Variants in OSBPL3 observed in about 807,000 individuals in gnomAD.
OSBPL3 encodes the protein oxysterol binding protein like 3, also known as oxysterol-binding protein-related protein 3.
In OSBPL3, 65 loss-of-function variants were observed where a neutral mutation model predicts 120.1. The observed-to-expected ratio is 0.54, with a 90% CI of 0.44 to 0.67. The LOEUF (loss-of-function observed/expected upper bound fraction) is 0.67, where lower values mean the gene tolerates loss of function less well. OSBPL3 is among the 30% of genes least tolerant of loss of function. OSBPL3 has a pLI of 0.00. For synonymous variants in OSBPL3, 416 were observed against 402.6 expected, an observed-to-expected ratio of 1.03 and a Z score of -0.40; for missense variants, 1,004 against 1,082.1, an observed-to-expected ratio of 0.93 and a Z score of 1.01.
At position 24,797,131 on chromosome 7, in the gene OSBPL3, A is replaced by C. The variant is rs1432121035; in HGVS notation, c.*3052T>G. 5 of 152,214 alleles carry C rather than the reference A, an allele frequency of 3.3e-5. No homozygotes were observed. The highest frequency in any genetic ancestry group is 7.3e-5 in the Non-Finnish European group (5 of 68,042). The allele number at this position is 152,214 out of a possible 1,614,324, so 9.4% of individuals were successfully genotyped here. ...GGGCTACATCAAGGTTCAACAGCCA[A>C]ATAAAAACTTTATTACTTTTTAGGC... is the stretch of plus-strand genomic sequence containing the variant. On this transcript the variant is annotated 3_prime_UTR_variant, in exon 23 of 23. Transcript: ENST00000313367. This position sits in a 1 kb window ranked among gnomAD's most constrained non-coding sequence, Gnocchi z 4.8.
Position 24,912,222 on chromosome 7 carries a change from C to G in OSBPL3, c.-149-19601G>C, listed in dbSNP as rs917123625. 1.3e-5 allele frequency among the ~76,000 whole-genome samples: 2 copies of G among 152,002 alleles called. No individual in the cohort carries two copies. Among genetic ancestry groups the G allele is most frequent in the Non-Finnish European group, 2.9e-5 (2 of 68,006 alleles). On this transcript the variant is annotated intron_variant, in intron 1 of 22. Transcript: ENST00000313367. The surrounding 1 kb of genome is among the most constrained non-coding windows in gnomAD (Gnocchi z 4.5). ...TTAAAAATTTGTGGAAAGATAGATC[C>G]TAATTCTTTAGGAGTTTACATCTAG... is the stretch of plus-strand genomic sequence containing the variant.
intron 1 of OSBPL3, among the ~76,000 whole-genome samples, chr7:24,974,530 G>A (rs1817367587): frequency 6.6e-6 from 1 of 152,090 alleles, no homozygotes; most frequent in East Asian, 1.9e-4. Flanking sequence ...CAGCGAACAG[G>A]GCCCAAAGGA....
At chr7:24,979,048 G>C (rs1401444139) in intron 1 of OSBPL3, among the ~76,000 whole-genome samples, 1 of 152,196 alleles carries the variant, frequency 6.6e-6, no homozygotes, top group Non-Finnish European at 1.5e-5. Context: ...AGCGCTAAGA[G>C]GCTGCCTGGG....
chr7:24,905,190 G>A (rs1449636667), intron 1 of OSBPL3, among the ~76,000 whole-genome samples: 1 of 147,084 alleles, frequency 6.8e-6, no homozygotes, highest in Non-Finnish European at 1.5e-5. Context: ...CGGGGGTCAA[G>A]AGGATTGCTC....
At chr7:24,812,089 T>C (rs935333273) in intron 19 of OSBPL3, among the ~76,000 whole-genome samples, 1 of 151,952 alleles carries the variant, frequency 6.6e-6, no homozygotes, top group Non-Finnish European at 1.5e-5. Flanking sequence ...GGTGGATCAC[T>C]TGAGGTCCGG....
At chr7:24,893,732 A>C (rs1447348130) in intron 1 of OSBPL3, among the ~76,000 whole-genome samples, 1 of 138,800 alleles carries the variant, frequency 7.2e-6, no homozygotes, top group Non-Finnish European at 1.6e-5. Flanking sequence ...GAATCGCTTG[A>C]AACCGGGCGG....
chr7:24,900,231 C>T lies in OSBPL3; in HGVS notation c.-149-7610G>A, dbSNP rs1229676354. On this transcript the variant is annotated intron_variant, in intron 1 of 22. Coordinates refer to ENST00000313367, the MANE Select transcript of OSBPL3 (RefSeq NM_015550.4). The surrounding 1 kb of genome is among the most constrained non-coding windows in gnomAD (Gnocchi z 4.5). ...TCCAGGTGACCTGAATGCACAAGTC[C>T]AAAACCACTGCCACAGGTTAATATT... 1.3e-5 allele frequency among the ~76,000 whole-genome samples: 2 copies of T among 152,176 alleles called. No homozygotes were observed. The highest frequency in any genetic ancestry group is 6.5e-5 in the Admixed American group (1 of 15,282).
At chr7:24,950,715 C>T (rs1198242591) in intron 1 of OSBPL3, among the ~76,000 whole-genome samples, 1 of 152,086 alleles carries the variant, frequency 6.6e-6, no homozygotes, top group Non-Finnish European at 1.5e-5. Context: ...GAGTGAGACT[C>T]CGTCTCAAAA....
rs1330883852 is a variant in OSBPL3, at chr7:24,883,447, C to T, written c.96+8930G>A. ...GCTCAGTTCACATTTGCATCAATAG[C>T]TTCTTGAGAACATTCCATTACCTTG... On this transcript the variant is annotated intron_variant, in intron 2 of 22. Transcript: ENST00000313367. This position sits in a 1 kb window ranked among gnomAD's most constrained non-coding sequence, Gnocchi z 5.4. Among the ~76,000 whole-genome samples the T allele has an allele frequency of 1.3e-5, 2 of 152,182 alleles. No individual in the cohort carries two copies. The highest frequency in any genetic ancestry group is 1.9e-4 in the East Asian group (1 of 5,198).
rs767182303 is a variant in OSBPL3, at chr7:24,873,700, CTAAG to C, written c.97-1635_97-1632del. On this transcript the variant is annotated intron_variant, in intron 2 of 22. Transcript: ENST00000313367. The surrounding 1 kb of genome is among the most constrained non-coding windows in gnomAD (Gnocchi z 4.1). The stretch of plus-strand genomic sequence containing the variant: ...ACACTCAGACAATAAATGCATACTA[CTAAG>C]TGATGGGAAGTCAGATTTCCTATTA... Among the ~76,000 whole-genome samples the C allele has an allele frequency of 2.0e-4, 30 of 151,304 alleles. No individual in the cohort carries two copies. Among genetic ancestry groups the C allele is most frequent in the Non-Finnish European group, 4.1e-4 (28 of 67,948 alleles).
chr7:24,925,787 C>T (rs954968225), intron 1 of OSBPL3, among the ~76,000 whole-genome samples: 1 of 152,206 alleles, frequency 6.6e-6, no homozygotes, highest in Non-Finnish European at 1.5e-5. Flanking sequence ...CAAGCTTTCT[C>T]CTTTAAACCT....
chr7:24,889,106 C>T (rs1032287332), intron 2 of OSBPL3, among the ~76,000 whole-genome samples: 1 of 152,008 alleles, frequency 6.6e-6, no homozygotes, highest in Non-Finnish European at 1.5e-5. Context: ...GATAAAGAAA[C>T]AAGATTAAAT....
chr7:24,908,380 C>G (rs1052560742), intron 1 of OSBPL3, among the ~76,000 whole-genome samples: 2 of 152,278 alleles, frequency 1.3e-5, no homozygotes, highest in South Asian at 4.1e-4. Context: ...TTTTTATCAG[C>G]ACATGTGGTA....
In OSBPL3 at chr7:24,834,777, C is replaced by T. The variant is rs1056855301; in HGVS notation, c.1496-41G>A. 3 of 1,487,134 alleles carry T rather than the reference C, an allele frequency of 2.0e-6. No individual in the cohort carries two copies. In the African/African-American group the frequency reaches 4.2e-5, roughly 21 times the overall value. 92.1% of individuals were successfully genotyped at this position (1,487,134 alleles called of 1,614,324 possible). The stretch of plus-strand genomic sequence containing the variant: ...GCCTGGTTGTCTCTATAAAGCTTTT[C>T]ATTTTATTCTATTATTTTTAATCCA... On this transcript the variant is annotated intron_variant, in intron 14 of 22. Transcript: ENST00000313367. This position sits in a 1 kb window ranked among gnomAD's most constrained non-coding sequence, Gnocchi z 5.2.
Position 24,834,394 on chromosome 7 carries a change from G to C in OSBPL3, c.1746+92C>G. 1 of 1,535,434 alleles carries C rather than the reference G, an allele frequency of 6.5e-7. No homozygotes were observed. Among genetic ancestry groups the C allele is most frequent in the Non-Finnish European group, 8.8e-7 (1 of 1,142,692 alleles). On this transcript the variant is annotated intron_variant, in intron 15 of 22. Transcript: ENST00000313367. This position sits in a 1 kb window ranked among gnomAD's most constrained non-coding sequence, Gnocchi z 5.2. ...GGAACAATCAAAATGAAACCGGAGG[G>C]AACAGGGGCTGTCTCTCTGATGGGC...
rs890282870 is a variant in OSBPL3 at position 24,862,330 on chromosome 7, T to C, written c.871-561A>G. Reference sequence around the variant, plus strand: ...GGAAATGATAGAAGCATTAAAGCTATAGGTTGAAAATGACAGCTAAAGCTG... The same window carrying C: ...GGAAATGATAGAAGCATTAAAGCTACAGGTTGAAAATGACAGCTAAAGCTG... On this transcript the variant is annotated intron_variant, in intron 9 of 22. Coordinates refer to ENST00000313367, the MANE Select transcript of OSBPL3 (RefSeq NM_015550.4). This position sits in a 1 kb window ranked among gnomAD's most constrained non-coding sequence, Gnocchi z 4.4. Among the ~76,000 whole-genome samples, 25 of 152,330 alleles carry C rather than the reference T, an allele frequency of 1.6e-4. No homozygotes were observed. The highest frequency in any genetic ancestry group is 1.4e-3 in the East Asian group (7 of 5,182).
Position 24,830,743 on chromosome 7 carries a change from C to T in OSBPL3, c.1884+25G>A, listed in dbSNP as rs768914929. 7.6e-6 allele frequency: 12 copies of T among 1,585,196 alleles called. No homozygotes were observed. The highest frequency in any genetic ancestry group is 1.0e-5 in the Non-Finnish European group (12 of 1,169,792). ...GGGAGACATAAGCAACCCCTCCCAA[C>T]AAGCAAAAAATGGTGTACATCTACC... On this transcript the variant is annotated intron_variant, in intron 16 of 22. Coordinates refer to ENST00000313367, the MANE Select transcript of OSBPL3 (RefSeq NM_015550.4). The surrounding 1 kb of genome is among the most constrained non-coding windows in gnomAD (Gnocchi z 4.4).
chr7:24,887,864 G>C lies in OSBPL3; in HGVS notation c.96+4513C>G, dbSNP rs1046625661. Among the ~76,000 whole-genome samples the C allele has an allele frequency of 2.0e-5, 3 of 152,216 alleles. No homozygotes were observed. In the East Asian group the frequency reaches 5.8e-4, roughly 29 times the overall value. ...AGATGCTGGCATAGAGGGCGAGAGG[G>C]GAAAATCATTTACCACCCAAGCAAG... On this transcript the variant is annotated intron_variant, in intron 2 of 22. Coordinates refer to ENST00000313367, the MANE Select transcript of OSBPL3 (RefSeq NM_015550.4).
In OSBPL3 at chr7:24,803,051, A is replaced by G. The variant is rs74810236; in HGVS notation, c.2567+1264T>C. Among the ~76,000 whole-genome samples the G allele has an allele frequency of 0.085, 13,017 of 152,262 alleles. 763 individuals are homozygous for G. The highest frequency in any genetic ancestry group is 0.13 in the Non-Finnish European group (8,983 of 68,010). ...CATCAACTTTAGGGAAAAGAGCATC[A>G]TATTCTTCAAGACAAAACCTTATTT... On this transcript the variant is annotated intron_variant, in intron 22 of 22. Coordinates refer to ENST00000313367, the MANE Select transcript of OSBPL3 (RefSeq NM_015550.4). The surrounding 1 kb of genome is among the most constrained non-coding windows in gnomAD (Gnocchi z 4.2).
Sources: allele counts gnomAD v4.1 joint callset (sites outside exome capture counted in the v4.1 genomes callset), GRCh38; gene constraint gnomAD v4.1.1; non-coding constraint Gnocchi (gnomAD v3.1); transcripts MANE v1.5; gene names NCBI Gene and HGNC (gene_info 2026-07-23, HGNC 2026-07-21).